The following TRHDE variants were observed in gnomAD, a reference collection of about 807,000 sequenced individuals.
TRHDE encodes the protein thyrotropin releasing hormone degrading enzyme.
A neutral mutation model predicts 125.7 loss-of-function variants in TRHDE; 72 were observed. The ratio of observed to expected loss-of-function variants is 0.57; its 90% CI spans 0.47 to 0.70. The LOEUF (loss-of-function observed/expected upper bound fraction) is 0.70. TRHDE is among the 30% of genes least tolerant of loss of function. The pLI is 0.00. For synonymous variants in TRHDE, 509 were observed against 509.1 expected (o/e 1.00, Z 0.00); for missense variants, 1,110 against 1,327.1 (o/e 0.84, Z 2.54).
chr12:72,224,184 A>ATCTATCTG (rs1177890594), intron 2 of TRHDE, among the ~76,000 whole-genome samples: 1 of 141,754 alleles, frequency 7.1e-6, no homozygotes, highest in Non-Finnish European at 1.5e-5. Context: ...CTATCTATCT[A>ATCTATCTG]TCTATCTATC....
upstream of TRHDE, chr12:72,271,708 G>A: frequency 5.8e-6 from 2 of 347,746 alleles, no homozygotes; most frequent in South Asian, 2.1e-5. Context: ...ATCTAAACCC[G>A]AAGCCTGTGT....
intron 6 of TRHDE, among the ~76,000 whole-genome samples, chr12:72,539,235 C>T (rs1252368576): frequency 2.6e-5 from 4 of 151,872 alleles, no homozygotes; most frequent in Non-Finnish European, 5.9e-5. Flanking sequence ...TGCTTTGCAT[C>T]TCATCTCACT....
intron 2 of TRHDE, among the ~76,000 whole-genome samples, chr12:72,375,237 C>T (rs895522396): frequency 9.2e-5 from 14 of 152,198 alleles, no homozygotes; most frequent in African/African-American, 3.4e-4. Flanking sequence ...CTCTTAAGAG[C>T]AGTAAGTATG....
chr12:72,396,292 A>C lies in TRHDE; in HGVS notation c.1315+18171A>C, dbSNP rs576975490. The stretch of plus-strand genomic sequence containing the variant: ...GCATATTCTTCAGAATGTTTTCTCT[A>C]CAGTGTCCATTCTTTACCTCCCATT... On this transcript the variant is annotated intron_variant, in intron 3 of 18. Coordinates refer to ENST00000261180, the MANE Select transcript of TRHDE (RefSeq NM_013381.3). Among the ~76,000 whole-genome samples the C allele has an allele frequency of 1.2e-4, 18 of 152,242 alleles. 2 individuals are homozygous for C. The South Asian group carries it at 3.5e-3, about 30-fold the overall frequency.
intron 2 of TRHDE, among the ~76,000 whole-genome samples, chr12:72,120,439 C>A (rs1414621544): frequency 6.6e-6 from 1 of 151,882 alleles, no homozygotes; most frequent in East Asian, 1.9e-4. Flanking sequence ...AATTTGATCA[C>A]CTTCCTTTAA....
At chr12:72,231,900 A>C (rs61924331) in intron 2 of TRHDE, among the ~76,000 whole-genome samples, 7,504 of 152,248 alleles carry the variant, frequency 0.049, 278 homozygotes, top group Non-Finnish European at 0.069. Context: ...AAGCTAATTA[A>C]CGTGCCTTTT....
chr12:72,433,040 TTAATGCTTC>T (rs1874567678), intron 3 of TRHDE, among the ~76,000 whole-genome samples: 1 of 152,206 alleles, frequency 6.6e-6, no homozygotes, highest in South Asian at 2.1e-4. Context: ...TCAAATGCTT[TTAATGCTTC>T]TATTGAGACG....
intron 2 of TRHDE, among the ~76,000 whole-genome samples, chr12:72,366,542 C>A (rs147691649): frequency 1.3e-5 from 2 of 151,906 alleles, no homozygotes; most frequent in Non-Finnish European, 2.9e-5. Context: ...ATTGTCAGTC[C>A]CTATTGGGTG....
intron 3 of TRHDE, among the ~76,000 whole-genome samples, chr12:72,388,129 A>C (rs1872503930): frequency 6.6e-6 from 1 of 151,818 alleles, no homozygotes; most frequent in Admixed American, 6.6e-5. Flanking sequence ...AACCCATTCC[A>C]ACCCAAGGCC....
chr12:72,128,224 G>A (rs1875771175), intron 2 of TRHDE, among the ~76,000 whole-genome samples: 1 of 152,128 alleles, frequency 6.6e-6, no homozygotes, highest in South Asian at 2.1e-4. Flanking sequence ...AATAATTGTG[G>A]TACCATTCCT....
chr12:72,335,861 A>G (rs1565703103), intron 2 of TRHDE, among the ~76,000 whole-genome samples: 2 of 152,218 alleles, frequency 1.3e-5, no homozygotes, highest in African/African-American at 4.8e-5. Context: ...AGGGTGTACA[A>G]TTGCCACATC....
At chr12:72,544,407 C>G (rs1428502292) in intron 7 of TRHDE, among the ~76,000 whole-genome samples, 7 of 151,538 alleles carry the variant, frequency 4.6e-5, no homozygotes, top group African/African-American at 1.2e-4. Context: ...CAGCACTTAT[C>G]TCTGCTGGAA....
At chr12:72,340,909 A>T (rs900974042) in intron 2 of TRHDE, among the ~76,000 whole-genome samples, 1 of 152,140 alleles carries the variant, frequency 6.6e-6, no homozygotes, top group Non-Finnish European at 1.5e-5. Flanking sequence ...TCTCTGCCAC[A>T]GAAGCTATCA....
intron 15 of TRHDE, among the ~76,000 whole-genome samples, chr12:72,647,985 T>C (rs567423343): frequency 4.7e-4 from 71 of 152,178 alleles, no homozygotes; most frequent in Non-Finnish European, 7.2e-4. Context: ...TAAATACCCC[T>C]ATGCAGAAAT....
chr12:72,421,172 T>C (rs1222048325), intron 3 of TRHDE, among the ~76,000 whole-genome samples: 1 of 152,136 alleles, frequency 6.6e-6, no homozygotes, highest in Non-Finnish European at 1.5e-5. Flanking sequence ...ATTTATGTCT[T>C]GGAAATTTAA....
chr12:72,614,182 C>G (rs1872725919), intron 12 of TRHDE, among the ~76,000 whole-genome samples: 2 of 151,782 alleles, frequency 1.3e-5, no homozygotes, highest in Non-Finnish European at 2.9e-5. Flanking sequence ...TTGGGAATTG[C>G]AATTCAACAT....
In TRHDE at chr12:72,458,155, T is replaced by G. The variant is rs78795621; in HGVS notation, c.1316-11603T>G. Among the ~76,000 whole-genome samples, 712 of 152,302 alleles carry G rather than the reference T, an allele frequency of 4.7e-3. 2 individuals carry two copies. Among genetic ancestry groups the G allele is most frequent in the Admixed American group, 9.6e-3 (147 of 15,282 alleles). On this transcript the variant is annotated intron_variant, in intron 3 of 18. Coordinates refer to ENST00000261180, the MANE Select transcript of TRHDE (RefSeq NM_013381.3). Reference sequence around the variant, plus strand: ...ATATGTGATTCGATTTGGTGTTATATCTGTGTAAAATATTTTACAATTTAT... The same window carrying G: ...ATATGTGATTCGATTTGGTGTTATAGCTGTGTAAAATATTTTACAATTTAT...
chr12:72,656,923 T>C lies in TRHDE; in HGVS notation c.2985-4T>C. On this transcript the variant is annotated splice_polypyrimidine_tract_variant and splice_region_variant and intron_variant, in intron 17 of 18. Coordinates refer to ENST00000261180, the MANE Select transcript of TRHDE (RefSeq NM_013381.3). ...TGACATTAAGACTCTTTTTTTCTTT[T>C]GAGGTATGGAGAAGCATTGTTTATG... 2 of 1,595,384 alleles carry C rather than the reference T, an allele frequency of 1.3e-6. No individual in the cohort carries two copies. Among genetic ancestry groups the C allele is most frequent in the South Asian group, 2.3e-5 (2 of 88,826 alleles).
At chr12:72,654,810 G>C (rs1173138259) in intron 17 of TRHDE, among the ~76,000 whole-genome samples, 1 of 151,980 alleles carries the variant, frequency 6.6e-6, no homozygotes, top group Non-Finnish European at 1.5e-5. Flanking sequence ...CCCCAGTGCA[G>C]GTTCTCATCT....
Sources: gnomAD v4.1 joint callset for allele counts (sites outside exome capture counted in the v4.1 genomes callset) on GRCh38, gnomAD v4.1.1 for gene constraint, MANE v1.5 for transcripts, NCBI Gene and HGNC (gene_info 2026-07-23, HGNC 2026-07-21) for gene names.